PTK6: variants seen among roughly 807,000 people sequenced by gnomAD.
PTK6 encodes protein tyrosine kinase 6.
PTK6 carries 47 observed loss-of-function variants against 47.5 expected under a neutral mutation model. That is an observed-to-expected ratio of 0.99 (90% CI 0.78 to 1.26). PTK6 has a LOEUF of 1.26. Ranked by LOEUF, PTK6 falls within the 50% of genes most tolerant of loss-of-function variation. The pLI is 0.00. For missense variants in PTK6, 618 were observed against 625.3 expected (o/e 0.99, Z 0.12); for synonymous variants, 287 against 276.5 (o/e 1.04, Z -0.38).
rs1454769243 is a variant in PTK6, at chr20:63,532,530, G to C, written c.828C>G (p.Leu276=). ...GCCCCGGCCCATGCCACTCACCGCG[G>C]AGCAGCTCCAGCAGGCTGCCCTTGG... is the stretch of plus-strand genomic sequence containing the variant. ...LMAKGSLLEL[L]RDSDEKVLPV... Residue 276 remains leucine (L), a synonymous_variant, in exon 5 of 8, where the codon CTC becomes CTG. Coordinates refer to ENST00000542869, the MANE Select transcript of PTK6 (RefSeq NM_005975.4). The C allele has an allele frequency of 6.2e-7, 1 of 1,610,506 alleles. No homozygotes were observed. The highest frequency in any genetic ancestry group is 8.5e-7 in the Non-Finnish European group (1 of 1,177,722).
chr20:63,534,917 GC>G lies in PTK6; in HGVS notation c.352+20del. ...CAGGAGCCCCCGCAGGCAAGCACAG[GC>G]TCGGAGGCCGGGGCCGCACCCGACA... On this transcript the variant is annotated intron_variant, in intron 2 of 7. Transcript: ENST00000542869. The G allele has an allele frequency of 6.3e-7, 1 of 1,581,472 alleles. No homozygotes were observed. Among genetic ancestry groups the G allele is most frequent in the Non-Finnish European group, 8.6e-7 (1 of 1,162,756 alleles).
intron 1 of PTK6, among the ~76,000 whole-genome samples, chr20:63,535,396 T>C (rs7268408): frequency 0.13 from 19,789 of 152,016 alleles, 4,103 homozygotes; most frequent in African/African-American, 0.44. Flanking sequence ...CACCCATGTG[T>C]GACGCACGCT....
rs749182742 is a variant in PTK6 at position 63,530,181 on chromosome 20, G to A, written c.1065C>T (p.Ala355=). 1.2e-6 allele frequency: 2 copies of A among 1,614,112 alleles called. No individual in the cohort carries two copies. The highest frequency in any genetic ancestry group is 1.7e-6 in the Non-Finnish European group (2 of 1,180,006). Residue 355 remains alanine (A), a synonymous_variant, in exon 7 of 8, where the codon GCC becomes GCT. Transcript: ENST00000542869. This position sits in a 1 kb window ranked among gnomAD's most constrained non-coding sequence, Gnocchi z 4.1. The part of the protein sequence containing the change: ...HDHNIPYKWT[A]PEALSRGHYS... ...AATGGCCTCGGGAGAGCGCTTCAGG[G>A]GCCGTCCACTTGTAGGGGATATTGT...
At chr20:63,531,027 G>C (rs1251085042) in intron 5 of PTK6, 100 bp from the exon 6 acceptor site, 2 of 1,179,420 alleles carry the variant, frequency 1.7e-6, no homozygotes, top group African/African-American at 3.2e-5. Flanking sequence ...TCCAAGCTCT[G>C]CGGGCTCAGA....
In PTK6 at chr20:63,530,731, C is replaced by T. The variant is rs563262798; in HGVS notation, c.1014+15G>A. 5 of 1,612,850 alleles carry T rather than the reference C, an allele frequency of 3.1e-6. No individual in the cohort carries two copies. The East Asian group carries it at 1.1e-4, about 36-fold the overall frequency. On this transcript the variant is annotated intron_variant, in intron 6 of 7. Transcript: ENST00000542869. This position sits in a 1 kb window ranked among gnomAD's most constrained non-coding sequence, Gnocchi z 4.1. ...CCCCGGCCACGACCCCAGCCACGCC[C>T]TCTGAGGGCCCTACCTTGATAAGCC...
At position 63,534,298 on chromosome 20, in the gene PTK6, C is replaced by T; in HGVS notation, c.370G>A (p.Val124Met). The T allele has an allele frequency of 1.2e-6, 2 of 1,606,010 alleles. No homozygotes were observed. Among genetic ancestry groups the T allele is most frequent in the Non-Finnish European group, 1.7e-6 (2 of 1,177,868 alleles). The stretch of plus-strand genomic sequence containing the variant: ...CGCCGCCAGATCTTGTAGTGCCGCA[C>T]AGCCTGCGTGTCCCGCACTGGGAGG... ...YVLSVRDTQA[V>M]RHYKIWRRAG... The change falls in exon 3 of 8, where the codon GTG (valine) becomes ATG (methionine). Residue 124 changes from valine to methionine, a missense_variant. Coordinates refer to ENST00000542869, the MANE Select transcript of PTK6 (RefSeq NM_005975.4).
rs771498785 is a variant in PTK6, at chr20:63,532,609, A to T, written c.749T>A (p.Leu250Gln). 1.2e-6 allele frequency: 2 copies of T among 1,614,104 alleles called. No homozygotes were observed. Among genetic ancestry groups the T allele is most frequent in the South Asian group, 2.2e-5 (2 of 91,092 alleles). ...KKLRHKHILA[L>Q]YAVVSVGDPV... Reference sequence around the variant, plus strand: ...GTCCCCCACGGACACCACGGCGTACAGCGCCAGGATGTGTTTGTGCCGCAG... The same window carrying T: ...GTCCCCCACGGACACCACGGCGTACTGCGCCAGGATGTGTTTGTGCCGCAG... Residue 250 changes from leucine to glutamine, a missense_variant, in exon 5 of 8, where the codon CTG (leucine) becomes CAG (glutamine). Leu to Gln is a moderately radical substitution (Grantham distance 113). Coordinates refer to ENST00000542869, the MANE Select transcript of PTK6 (RefSeq NM_005975.4).
intron 3 of PTK6, 116 bp downstream of exon 3, chr20:63,534,036 A>ATGGG (rs879723119): frequency 1.5e-6 from 2 of 1,328,788 alleles, no homozygotes; most frequent in Non-Finnish European, 2.0e-6. Flanking sequence ...AGTGGGCCCC[A>ATGGG]GGTCAGTGAG....
At position 63,533,198 on chromosome 20, in the gene PTK6, G is replaced by A. The variant is rs1298077972; in HGVS notation, c.670+353C>T. Among the ~76,000 whole-genome samples, 2 of 151,964 alleles carry A rather than the reference G, an allele frequency of 1.3e-5. No individual in the cohort carries two copies. The highest frequency in any genetic ancestry group is 4.8e-5 in the African/African-American group (2 of 41,356). ...TTCTCCTGCCTCAGCCTCCCGAGTA[G>A]CTGGGACTACAGGCACATGCCTCCA... On this transcript the variant is annotated intron_variant, in intron 4 of 7. Transcript: ENST00000542869. This position sits in a 1 kb window ranked among gnomAD's most constrained non-coding sequence, Gnocchi z 4.0.
Position 63,528,071 on chromosome 20 carries a change from G to A in PTK6, c.*1465C>T, listed in dbSNP as rs935639296. The A allele has an allele frequency of 6.6e-6, 1 of 152,244 alleles. No homozygotes were observed. Among genetic ancestry groups the A allele is most frequent in the Non-Finnish European group, 1.5e-5 (1 of 68,054 alleles). The allele number at this position is 152,244 out of a possible 1,614,324, so 9.4% of individuals were successfully genotyped here. A position where few individuals can be genotyped will look rare whatever the true frequency, so the allele number is the denominator to read the frequency against. On this transcript the variant is annotated 3_prime_UTR_variant, in exon 8 of 8. Transcript: ENST00000542869. ...GGAAACTTGGTTATTTCTGTGGCAT[G>A]CAGCATTTTAATGTAATAACCAAAA...
rs1224552200 is a variant in PTK6, at chr20:63,533,918, AG to A, written c.517-215del. On this transcript the variant is annotated intron_variant, in intron 3 of 7. Transcript: ENST00000542869. The surrounding 1 kb of genome is among the most constrained non-coding windows in gnomAD (Gnocchi z 4.0). The stretch of plus-strand genomic sequence containing the variant: ...AGACAGACCGGAGCCAGGACCCTGC[AG>A]AGTGCCGCTGGCCTCTCCGAGAGTG... 6.6e-6 allele frequency among the ~76,000 whole-genome samples: 1 copy of A among 152,118 alleles called. No homozygotes were observed. The highest frequency in any genetic ancestry group is 2.4e-5 in the African/African-American group (1 of 41,428).
At chr20:63,534,735 C>T (rs1010806706) in intron 2 of PTK6, 4 of 810,506 alleles carry the variant, frequency 4.9e-6, no homozygotes, top group South Asian at 4.6e-5. Context: ...CAGGGAGGGG[C>T]CCTGCCCCAC....
At position 63,530,583 on chromosome 20, in the gene PTK6, A is replaced by G. The variant is rs1239386479; in HGVS notation, c.1014+163T>C. On this transcript the variant is annotated intron_variant, in intron 6 of 7. Transcript: ENST00000542869. This position sits in a 1 kb window ranked among gnomAD's most constrained non-coding sequence, Gnocchi z 4.1. ...GCGTGCCATTCAGAATGGGGGCCCC[A>G]CCGGACTCACGGTGGCTTCCCACCT... Among the ~76,000 whole-genome samples, 1 of 152,016 alleles carries G rather than the reference A, an allele frequency of 6.6e-6. No homozygotes were observed. Among genetic ancestry groups the G allele is most frequent in the Non-Finnish European group, 1.5e-5 (1 of 67,966 alleles).
Position 63,530,198 on chromosome 20 carries a change from G to C in PTK6, c.1048C>G (p.Pro350Ala), listed in dbSNP as rs2082606935. The change falls in exon 7 of 8, where the codon CCC becomes GCC. Residue 350 changes from proline to alanine, a missense_variant. Physicochemically the swap from Pro to Ala is conservative, Grantham distance 27. Coordinates refer to ENST00000542869, the MANE Select transcript of PTK6 (RefSeq NM_005975.4). This position sits in a 1 kb window ranked among gnomAD's most constrained non-coding sequence, Gnocchi z 4.1. ...DVYLSHDHNI[P>A]YKWTAPEALS... ...GCTTCAGGGGCCGTCCACTTGTAGG[G>C]GATATTGTGGTCATGGGAGAGGTAG... 6.2e-7 allele frequency: 1 copy of C among 1,614,052 alleles called. No homozygotes were observed. The highest frequency in any genetic ancestry group is 1.1e-5 in the South Asian group (1 of 91,090).
In PTK6 at chr20:63,537,290, G is replaced by T. The variant is rs779381541; in HGVS notation, c.25C>A (p.Leu9Met). 1.7e-5 allele frequency: 28 copies of T among 1,611,644 alleles called. No homozygotes were observed. The highest frequency in any genetic ancestry group is 2.0e-5 in the Non-Finnish European group (24 of 1,179,552). The change falls in exon 1 of 8, where the codon CTG becomes ATG. Residue 9 changes from leucine (L) to methionine (M), a missense_variant. By Grantham distance (15) the Leu-to-Met change is conservative. Coordinates refer to ENST00000542869, the MANE Select transcript of PTK6 (RefSeq NM_005975.4). Reference protein sequence around the residue: MVSRDQAHLGPKYVGLWDF... With the variant: MVSRDQAHMGPKYVGLWDF... ...CAGAGGCCCACATACTTGGGGCCCA[G>T]GTGAGCCTGGTCCCGGGACACCATG...
chr20:63,536,942 G>T, intron 1 of PTK6, 143 bp downstream of exon 1: 2 of 887,816 alleles, frequency 2.3e-6, no homozygotes, highest in Non-Finnish European at 3.4e-6. Context: ...CAAGCGGGAT[G>T]CCCAGCCTGG....
rs921418681 is a variant in PTK6 at position 63,532,603 on chromosome 20, G to A, written c.755C>T (p.Ala252Val). ...LRHKHILALY[A>V]VVSVGDPVYI... ...CACGGGGTCCCCCACGGACACCACG[G>A]CGTACAGCGCCAGGATGTGTTTGTG... The change falls in exon 5 of 8, where the codon GCC becomes GTC. Residue 252 changes from alanine to valine, a missense_variant. Transcript: ENST00000542869. 6.2e-7 allele frequency: 1 copy of A among 1,613,982 alleles called. No individual in the cohort carries two copies. The highest frequency in any genetic ancestry group is 1.3e-5 in the African/African-American group (1 of 74,950).
chr20:63,532,746 A>G (rs2145973187), intron 4 of PTK6, 59 bp from the exon 5 acceptor site: 2 of 1,577,954 alleles, frequency 1.3e-6, no homozygotes, highest in South Asian at 1.1e-5. Context: ...CCCAAGGAAG[A>G]GGCCAAGGCC....
At chr20:63,532,763 C>T in intron 4 of PTK6, 76 bp from the exon 5 acceptor site, 1 of 1,536,330 alleles carries the variant, frequency 6.5e-7, no homozygotes, top group South Asian at 1.2e-5. Flanking sequence ...GGCCCTGCCC[C>T]CACACACAGC....
Sources: gnomAD v4.1 joint callset for allele counts (sites outside exome capture counted in the v4.1 genomes callset) on GRCh38, gnomAD v4.1.1 for gene constraint, Gnocchi (gnomAD v3.1) non-coding constraint, MANE v1.5 for transcripts, NCBI Gene and HGNC (gene_info 2026-07-23, HGNC 2026-07-21) for gene names.